The following GALNTL6 variants were observed in gnomAD, a reference collection of about 807,000 sequenced individuals.
GALNTL6 encodes the protein polypeptide N-acetylgalactosaminyltransferase-like 6.
Under a neutral mutation model 73.7 loss-of-function variants are expected in GALNTL6, and 46 were observed. That is an observed-to-expected ratio of 0.62 (90% CI 0.49 to 0.80). The LOEUF (loss-of-function observed/expected upper bound fraction) is 0.80. GALNTL6 is among the 30% of genes least tolerant of loss of function. GALNTL6 has a pLI of 0.00. For synonymous variants in GALNTL6, 259 were observed against 263.7 expected, an observed-to-expected ratio of 0.98 and a Z score of 0.17; for missense variants, 604 against 755.0, an observed-to-expected ratio of 0.80 and a Z score of 2.34.
At position 172,339,555 on chromosome 4, in the gene GALNTL6, G is replaced by A. The variant is rs201094810; in HGVS notation, c.387-8968G>A. Among the ~76,000 whole-genome samples the A allele has an allele frequency of 8.8e-4, 134 of 152,208 alleles. 2 individuals are homozygous for A. The South Asian group carries it at 0.016, about 18-fold the overall frequency. Reference sequence around the variant, plus strand: ...TGTGTAGTCACACTGTTGGGTTGCCGAAGAGTGACTGACTCTGTATGCTCC... The same window carrying A: ...TGTGTAGTCACACTGTTGGGTTGCCAAAGAGTGACTGACTCTGTATGCTCC... On this transcript the variant is annotated intron_variant, in intron 4 of 12. Coordinates refer to ENST00000506823, the MANE Select transcript of GALNTL6 (RefSeq NM_001034845.3).
chr4:172,762,147 A>G lies in GALNTL6; in HGVS notation c.554-47214A>G, dbSNP rs1579448303. 2.0e-5 allele frequency among the ~76,000 whole-genome samples: 3 copies of G among 152,358 alleles called. No individual in the cohort carries two copies. In the South Asian group the frequency reaches 6.2e-4, roughly 32 times the overall value. On this transcript the variant is annotated intron_variant, in intron 5 of 12. Transcript: ENST00000506823. ...ATCTGCATACCATGTCAAAGGACAAAATTGGAGCACTCTTATTTTGTAGAT... is the reference window on the plus strand; with the variant it reads ...ATCTGCATACCATGTCAAAGGACAAGATTGGAGCACTCTTATTTTGTAGAT...
intron 12 of GALNTL6, among the ~76,000 whole-genome samples, chr4:173,033,669 C>T (rs1009040831): frequency 1.3e-5 from 2 of 152,168 alleles, no homozygotes; most frequent in Admixed American, 6.5e-5. Context: ...CCCTGAATCA[C>T]TGACAAACTA....
intron 5 of GALNTL6, among the ~76,000 whole-genome samples, chr4:172,497,963 G>A (rs890313363): frequency 2.7e-5 from 4 of 149,820 alleles, no homozygotes; most frequent in African/African-American, 9.8e-5. Flanking sequence ...TTTATCAAGA[G>A]TAACAGACTT....
intron 5 of GALNTL6, among the ~76,000 whole-genome samples, chr4:172,404,640 T>C (rs1744148567): frequency 6.6e-6 from 1 of 152,068 alleles, no homozygotes. Flanking sequence ...TGTTCTTGTA[T>C]ATACAGAAAT....
At chr4:172,131,497 AT>A (rs1397219212) in intron 2 of GALNTL6, among the ~76,000 whole-genome samples, 1 of 147,498 alleles carries the variant, frequency 6.8e-6, no homozygotes, top group Non-Finnish European at 1.5e-5. Flanking sequence ...ATACATATAT[AT>A]TTTATATATG....
chr4:171,964,575 T>A (rs114540121), intron 2 of GALNTL6, among the ~76,000 whole-genome samples: 1,911 of 152,294 alleles, frequency 0.013, 31 homozygotes, highest in African/African-American at 0.036. Context: ...TCCCCGAACA[T>A]ACCCCATTTT....
intron 7 of GALNTL6, among the ~76,000 whole-genome samples, chr4:172,844,935 G>C (rs940916498): frequency 1.3e-5 from 2 of 152,124 alleles, no homozygotes; most frequent in East Asian, 1.9e-4. Flanking sequence ...TAAGATTCTG[G>C]CTGGGCGCGG....
chr4:172,018,525 A>T (rs1369463674), intron 2 of GALNTL6, among the ~76,000 whole-genome samples: 2 of 152,044 alleles, frequency 1.3e-5, no homozygotes, highest in Non-Finnish European at 2.9e-5. Flanking sequence ...CCCAGCTCCC[A>T]CACAGTTGGC....
chr4:172,340,280 A>G (rs577672300), intron 4 of GALNTL6, among the ~76,000 whole-genome samples: 3 of 152,302 alleles, frequency 2.0e-5, no homozygotes, highest in Admixed American at 6.5e-5. Context: ...TTTTGTTAAT[A>G]TAGTGCATCA....
intron 3 of GALNTL6, among the ~76,000 whole-genome samples, chr4:172,269,841 T>C (rs1738579222): frequency 6.6e-6 from 1 of 152,094 alleles, no homozygotes; most frequent in Admixed American, 6.6e-5. Flanking sequence ...AACCTCTGCC[T>C]CCTGGGTTCA....
intron 3 of GALNTL6, among the ~76,000 whole-genome samples, chr4:172,264,098 C>T (rs1293582136): frequency 6.6e-6 from 1 of 151,440 alleles, no homozygotes; most frequent in African/African-American, 2.4e-5. Flanking sequence ...GAAATATAAA[C>T]AGGAATCCAA....
chr4:172,942,232 T>C (rs1212914381), intron 9 of GALNTL6, among the ~76,000 whole-genome samples: 1 of 152,240 alleles, frequency 6.6e-6, no homozygotes, highest in East Asian at 1.9e-4. Flanking sequence ...CTAAGACCCC[T>C]GTCATGGGCA....
intron 2 of GALNTL6, among the ~76,000 whole-genome samples, chr4:171,831,538 T>C (rs921838594): frequency 3.3e-5 from 5 of 152,002 alleles, no homozygotes; most frequent in African/African-American, 9.7e-5. Flanking sequence ...TTCTATCTAC[T>C]TTTTACCTAG....
chr4:172,156,622 T>G (rs1734299545), intron 2 of GALNTL6, among the ~76,000 whole-genome samples: 1 of 147,328 alleles, frequency 6.8e-6, no homozygotes, highest in East Asian at 2.0e-4. Flanking sequence ...ATAACTCCAC[T>G]CTGTAGTTTA....
chr4:172,853,137 A>G (rs1191932536), intron 7 of GALNTL6, among the ~76,000 whole-genome samples: 1 of 152,186 alleles, frequency 6.6e-6, no homozygotes, highest in Non-Finnish European at 1.5e-5. Flanking sequence ...GGCTGCAATC[A>G]AGACACAGGC....
At chr4:172,175,138 A>G (rs1203063513) in intron 2 of GALNTL6, among the ~76,000 whole-genome samples, 1 of 151,256 alleles carries the variant, frequency 6.6e-6, no homozygotes, top group African/African-American at 2.4e-5. Flanking sequence ...GTACAGTGGC[A>G]TGATCTCAGC....
intron 2 of GALNTL6, among the ~76,000 whole-genome samples, chr4:172,076,533 T>G (rs757332260): frequency 5.3e-5 from 8 of 152,170 alleles, no homozygotes; most frequent in Non-Finnish European, 1.2e-4. Context: ...CAAATAAAAT[T>G]AAAAAAACAT....
intron 2 of GALNTL6, among the ~76,000 whole-genome samples, chr4:172,041,337 G>T (rs948349784): frequency 3.9e-5 from 6 of 152,084 alleles, no homozygotes; most frequent in Non-Finnish European, 5.9e-5. Context: ...AACATTCAGT[G>T]GGCAACAAGC....
intron 5 of GALNTL6, among the ~76,000 whole-genome samples, chr4:172,645,861 C>A (rs912668544): frequency 6.6e-6 from 1 of 151,856 alleles, no homozygotes; most frequent in African/African-American, 2.4e-5. Context: ...ATAAACAGGA[C>A]TTATCAAGGC....
Sources: gnomAD v4.1 joint callset for allele counts (sites outside exome capture counted in the v4.1 genomes callset) on GRCh38, gnomAD v4.1.1 for gene constraint, MANE v1.5 for transcripts, NCBI Gene and HGNC (gene_info 2026-07-23, HGNC 2026-07-21) for gene names.